The following MYO1E variants were observed in gnomAD, a reference collection of about 807,000 sequenced individuals.
The protein encoded by MYO1E is unconventional myosin-Ie.
MYO1E carries 68 observed loss-of-function variants against 151.1 expected under a neutral mutation model. The ratio of observed to expected loss-of-function variants is 0.45; its 90% CI spans 0.37 to 0.55. The LOEUF is 0.55. MYO1E is among the 20% of genes least tolerant of loss of function. MYO1E has a pLI of 0.00. For missense variants in MYO1E, 1,363 were observed against 1,389.3 expected (o/e 0.98, Z 0.30); for synonymous variants, 601 against 501.7 (o/e 1.20, Z -2.64).
rs552054781 is a variant in MYO1E at position 59,149,170 on chromosome 15, C to T, written c.3080+4420G>A. ...CTCCTGGGTTCACGCCATTCTCCCG[C>T]CTCAGCCTCCTGATTAGCTGGGACT... On this transcript the variant is annotated intron_variant, in intron 26 of 27. Coordinates refer to ENST00000288235, the MANE Select transcript of MYO1E (RefSeq NM_004998.4). Among the ~76,000 whole-genome samples, 35 of 151,794 alleles carry T rather than the reference C, an allele frequency of 2.3e-4. No homozygotes were observed. In the South Asian group the frequency reaches 4.8e-3, roughly 21 times the overall value.
intron 18 of MYO1E, among the ~76,000 whole-genome samples, chr15:59,187,681 C>T (rs113661017): frequency 0.012 from 1,768 of 152,274 alleles, 45 homozygotes; most frequent in African/African-American, 0.037. Flanking sequence ...AAACAACTGA[C>T]GTTTATCAAC....
intron 1 of MYO1E, among the ~76,000 whole-genome samples, chr15:59,335,648 G>A (rs1265764219): frequency 6.6e-6 from 1 of 152,158 alleles, no homozygotes; most frequent in Non-Finnish European, 1.5e-5. Context: ...TAGCTACTTG[G>A]AGGCCACGAT....
At chr15:59,330,689 T>G (rs373518619) in intron 1 of MYO1E, among the ~76,000 whole-genome samples, 1 of 152,214 alleles carries the variant, frequency 6.6e-6, no homozygotes, top group Non-Finnish European at 1.5e-5. Flanking sequence ...CCCACCTTTA[T>G]GAAAATCATG....
intron 4 of MYO1E, among the ~76,000 whole-genome samples, chr15:59,249,423 C>CA (rs5812966): frequency 0.46 from 60,643 of 132,932 alleles, 14,554 homozygotes; most frequent in East Asian, 0.7. Context: ...GACTCTGTCT[C>CA]AAAAAAAAAA....
intron 19 of MYO1E, among the ~76,000 whole-genome samples, chr15:59,177,079 C>A (rs1459313506): frequency 4.6e-5 from 7 of 152,140 alleles, no homozygotes; most frequent in Non-Finnish European, 8.8e-5. Flanking sequence ...GGGTATGAAA[C>A]AAGGAGTTCT....
intron 1 of MYO1E, among the ~76,000 whole-genome samples, chr15:59,344,560 G>A (rs1413812084): frequency 6.6e-6 from 1 of 152,242 alleles, no homozygotes; most frequent in African/African-American, 2.4e-5. Context: ...ATCAAGTAGT[G>A]AAGCCAGCTA....
intron 8 of MYO1E, among the ~76,000 whole-genome samples, chr15:59,223,843 C>G (rs1458698780): frequency 6.6e-6 from 1 of 152,138 alleles, no homozygotes; most frequent in African/African-American, 2.4e-5. Context: ...ACTCTAGGAC[C>G]AGTGTGCAGA....
chr15:59,261,783 G>A (rs1242556282), intron 2 of MYO1E, among the ~76,000 whole-genome samples: 6 of 152,120 alleles, frequency 3.9e-5, no homozygotes, highest in African/African-American at 1.2e-4. Context: ...TGGGTGACAC[G>A]TACAGCAAGG....
intron 1 of MYO1E, among the ~76,000 whole-genome samples, chr15:59,360,351 C>A (rs1316038509): frequency 3.3e-5 from 5 of 151,446 alleles, no homozygotes; most frequent in Admixed American, 1.3e-4. Flanking sequence ...TGACTTTCAA[C>A]CAAGGGGAAA....
intron 1 of MYO1E, among the ~76,000 whole-genome samples, chr15:59,332,332 C>T (rs1034495634): frequency 1.6e-4 from 24 of 152,154 alleles, no homozygotes; most frequent in Admixed American, 5.2e-4. Flanking sequence ...GCCGATTTAA[C>T]GGGAAGGAAT....
rs540147052 is a variant in MYO1E at position 59,157,096 on chromosome 15, C to T, written c.2878+1191G>A. Among the ~76,000 whole-genome samples the T allele has an allele frequency of 2.6e-5, 4 of 151,516 alleles. No individual in the cohort carries two copies. The South Asian group carries it at 6.3e-4, about 24-fold the overall frequency. ...AAAAAAAGAGCCAGGTGTGGTGGTGCGTGCCTGTAGTCCCAGCTACTCAAG... is the reference window on the plus strand; with the variant it reads ...AAAAAAAGAGCCAGGTGTGGTGGTGTGTGCCTGTAGTCCCAGCTACTCAAG... On this transcript the variant is annotated intron_variant, in intron 25 of 27. Coordinates refer to ENST00000288235, the MANE Select transcript of MYO1E (RefSeq NM_004998.4).
chr15:59,159,885 C>A lies in MYO1E; in HGVS notation c.2785+1188G>T, dbSNP rs143825515. 7.6e-3 allele frequency among the ~76,000 whole-genome samples: 1,159 copies of A among 152,226 alleles called. 27 individuals carry two copies. Among genetic ancestry groups the A allele is most frequent in the East Asian group, 0.038 (198 of 5,174 alleles). On this transcript the variant is annotated intron_variant, in intron 24 of 27. Coordinates refer to ENST00000288235, the MANE Select transcript of MYO1E (RefSeq NM_004998.4). The surrounding 1 kb of genome is among the most constrained non-coding windows in gnomAD (Gnocchi z 4.4). ...TTGAGATGGAGTTTCGCTCTTGTTG[C>A]CCAGGCTGGTGTGCAATGGCGCGAT...
chr15:59,183,468 G>A (rs1482311597), intron 18 of MYO1E, among the ~76,000 whole-genome samples: 1 of 151,868 alleles, frequency 6.6e-6, no homozygotes, highest in African/African-American at 2.4e-5. Flanking sequence ...CCAGTGTTCT[G>A]GGATTACAGG....
In MYO1E at chr15:59,343,386, G is replaced by A. The variant is rs1236879314; in HGVS notation, c.3+29112C>T. Among the ~76,000 whole-genome samples the A allele has an allele frequency of 2.0e-5, 3 of 151,910 alleles. 1 individual carries two copies. The highest frequency in any genetic ancestry group is 2.0e-4 in the Admixed American group (3 of 15,256). ...GAAAAGTCTGCTGCCAGACGTGTTG[G>A]AGCTCCATCATATGTTATTTGTTTA... On this transcript the variant is annotated intron_variant, in intron 1 of 27. Transcript: ENST00000288235.
chr15:59,146,680 A>G (rs1025744246), intron 26 of MYO1E, among the ~76,000 whole-genome samples: 3 of 150,212 alleles, frequency 2.0e-5, no homozygotes, highest in African/African-American at 4.9e-5. Flanking sequence ...TGACATTTCA[A>G]TAATAAAGGC....
At chr15:59,162,415 G>A (rs769063838) in intron 23 of MYO1E, among the ~76,000 whole-genome samples, 15 of 152,006 alleles carry the variant, frequency 9.9e-5, no homozygotes, top group Admixed American at 2.0e-4. Context: ...ACGCCGAGGC[G>A]GGTGGATCAC....
intron 1 of MYO1E, among the ~76,000 whole-genome samples, chr15:59,320,454 G>T (rs895608718): frequency 1.3e-5 from 2 of 152,034 alleles, no homozygotes; most frequent in African/African-American, 4.8e-5. Context: ...AAACAGCATG[G>T]TACTAGTACA....
At chr15:59,216,459 T>C (rs2079914804) in intron 10 of MYO1E, among the ~76,000 whole-genome samples, 2 of 151,594 alleles carry the variant, frequency 1.3e-5, no homozygotes, top group African/African-American at 2.4e-5. Context: ...TATTTTACCA[T>C]TTAGAGGCTA....
chr15:59,151,190 G>A (rs2079476299), intron 26 of MYO1E, among the ~76,000 whole-genome samples: 1 of 152,032 alleles, frequency 6.6e-6, no homozygotes, highest in African/African-American at 2.4e-5. Flanking sequence ...TACTATGGGA[G>A]GACAAGGCAG....
Sources: gnomAD v4.1 joint callset for allele counts (sites outside exome capture counted in the v4.1 genomes callset) on GRCh38, gnomAD v4.1.1 for gene constraint, Gnocchi (gnomAD v3.1) non-coding constraint, MANE v1.5 for transcripts, NCBI Gene and HGNC (gene_info 2026-07-23, HGNC 2026-07-21) for gene names.